Variants in FBXO16 observed in about 807,000 individuals in gnomAD.
FBXO16 encodes F-box protein 16, also known as F-box only protein 16.
A neutral mutation model predicts 41.0 loss-of-function variants in FBXO16; 31 were observed. The observed-to-expected ratio is 0.76, with a 90% CI of 0.57 to 1.02. The LOEUF is 1.02. Among genes scored for constraint, FBXO16 ranks in the 50% least tolerant of loss-of-function variants. The pLI is 0.00. For synonymous variants in FBXO16, 133 were observed against 117.8 expected, an observed-to-expected ratio of 1.13 and a Z score of -0.84; for missense variants, 361 against 346.2, an observed-to-expected ratio of 1.04 and a Z score of -0.34.
intron 6 of FBXO16, 83 bp downstream of exon 6, chr8:28,452,161 C>A: frequency 7.6e-7 from 1 of 1,313,040 alleles, no homozygotes; most frequent in Non-Finnish European, 1.0e-6. Context: ...ACAGTAAGTT[C>A]TATTTCCATC....
intron 4 of FBXO16, among the ~76,000 whole-genome samples, chr8:28,457,504 A>G (rs930540354): frequency 4.6e-5 from 7 of 152,170 alleles, no homozygotes; most frequent in African/African-American, 1.7e-4. Flanking sequence ...TCATGGTGGA[A>G]GGGGAAAGGC....
intron 7 of FBXO16, among the ~76,000 whole-genome samples, chr8:28,432,272 G>C (rs575654500): frequency 6.6e-6 from 1 of 152,024 alleles, no homozygotes; most frequent in South Asian, 2.1e-4. Context: ...TCAGGAGTTC[G>C]AGACCAGCCT....
chr8:28,461,112 C>T (rs1803127922), intron 4 of FBXO16, among the ~76,000 whole-genome samples: 1 of 148,246 alleles, frequency 6.7e-6, no homozygotes. Flanking sequence ...ACCAATGACG[C>T]GTCGTGGAGA....
chr8:28,475,471 A>G lies in FBXO16; in HGVS notation c.100-1664T>C, dbSNP rs541788294. On this transcript the variant is annotated intron_variant, in intron 2 of 8. Transcript: ENST00000380254. ...CAACAGATAAACTCAGAATTTCTAG[A>G]TGAAAAGAAGTAGAGGAGAATCTGT... Among the ~76,000 whole-genome samples, 404 of 152,348 alleles carry G rather than the reference A, an allele frequency of 2.7e-3. 3 individuals are homozygous for G. Among genetic ancestry groups the G allele is most frequent in the African/African-American group, 9.5e-3 (396 of 41,578 alleles).
rs372318084 is a variant in FBXO16, at chr8:28,441,667, T to C, written c.843+5504A>G. ...AGGAGAATCGCTTGAACCTGGGAGG[T>C]GGAGGTTGCAGTGAGCCGAGATCGC... On this transcript the variant is annotated intron_variant, in intron 7 of 8. Transcript: ENST00000380254. 8.5e-5 allele frequency among the ~76,000 whole-genome samples: 12 copies of C among 141,702 alleles called. No individual in the cohort carries two copies. The East Asian group carries it at 1.1e-3, about 13-fold the overall frequency. 93.0% of individuals were successfully genotyped at this position (141,702 alleles called of 152,430 possible).
chr8:28,488,478 A>AT (rs1803638689), intron 1 of FBXO16, among the ~76,000 whole-genome samples: 1 of 144,608 alleles, frequency 6.9e-6, no homozygotes, highest in Admixed American at 6.9e-5. Context: ...TTTTTTTTGT[A>AT]TTTTTTGTAG....
At chr8:28,437,011 C>T (rs1466886473) in intron 7 of FBXO16, among the ~76,000 whole-genome samples, 1 of 152,192 alleles carries the variant, frequency 6.6e-6, no homozygotes, top group Non-Finnish European at 1.5e-5. Context: ...GCCTCAGCCT[C>T]CCAAAGTGCT....
intron 7 of FBXO16, among the ~76,000 whole-genome samples, chr8:28,435,704 C>T (rs549360489): frequency 6.6e-6 from 1 of 151,966 alleles, no homozygotes; most frequent in Non-Finnish European, 1.5e-5. Context: ...TGTAGAAAAC[C>T]GATTAGGAAA....
At chr8:28,473,047 G>T (rs1803363058) in intron 3 of FBXO16, among the ~76,000 whole-genome samples, 1 of 152,118 alleles carries the variant, frequency 6.6e-6, no homozygotes, top group South Asian at 2.1e-4. Flanking sequence ...TTCCCTATGG[G>T]GCTGAAGGTC....
At chr8:28,433,804 A>G (rs1391150504) in intron 7 of FBXO16, among the ~76,000 whole-genome samples, 1 of 152,164 alleles carries the variant, frequency 6.6e-6, no homozygotes, top group Non-Finnish European at 1.5e-5. Context: ...TATTGGGCAC[A>G]GAGAAGTGGG....
chr8:28,436,403 TAGAA>T (rs961793324), intron 7 of FBXO16, among the ~76,000 whole-genome samples: 2 of 152,230 alleles, frequency 1.3e-5, no homozygotes, highest in Non-Finnish European at 2.9e-5. Flanking sequence ...GGCAAGGTGT[TAGAA>T]AGAAATAACC....
intron 5 of FBXO16, among the ~76,000 whole-genome samples, chr8:28,454,936 T>C (rs990565838): frequency 6.7e-6 from 1 of 149,294 alleles, no homozygotes; most frequent in Admixed American, 6.6e-5. Flanking sequence ...TTTGGATATA[T>C]TGAAGTGATC....
chr8:28,477,805 C>T (rs550581248), intron 2 of FBXO16, among the ~76,000 whole-genome samples: 1 of 152,218 alleles, frequency 6.6e-6, no homozygotes, highest in East Asian at 1.9e-4. Flanking sequence ...GAGACAGAGG[C>T]TCACTTGCAC....
intron 1 of FBXO16, among the ~76,000 whole-genome samples, chr8:28,484,542 A>T (rs1803569555): frequency 6.6e-6 from 1 of 152,254 alleles, no homozygotes; most frequent in Non-Finnish European, 1.5e-5. Context: ...AGACCAGGCT[A>T]GGCCAGTTGG....
At chr8:28,434,125 TA>T (rs1470791760) in intron 7 of FBXO16, among the ~76,000 whole-genome samples, 2 of 152,256 alleles carry the variant, frequency 1.3e-5, no homozygotes, top group East Asian at 3.9e-4. Context: ...CACACCCAAC[TA>T]ATTTTTGTAT....
chr8:28,474,316 C>CAAAAAAA lies in FBXO16; in HGVS notation c.100-516_100-510dup. Among the ~76,000 whole-genome samples the CAAAAAAA allele has an allele frequency of 2.6e-3, 150 of 56,654 alleles. 3 individuals carry two copies. The highest frequency in any genetic ancestry group is 9.6e-3 in the Middle Eastern group (1 of 104). The allele number at this position is 56,654 out of a possible 152,430, so 37.2% of individuals were successfully genotyped here. On this transcript the variant is annotated intron_variant, in intron 2 of 8. Coordinates refer to ENST00000380254, the MANE Select transcript of FBXO16 (RefSeq NM_172366.4). ...CCTGGGTAACAGAGCCAGACCCTGT[C>CAAAAAAA]AAAAAAAAAAAAAAAAAAAAAAAAA...
At position 28,463,464 on chromosome 8, in the gene FBXO16, G is replaced by A. The variant is rs1280723580; in HGVS notation, c.342+148C>T. ...TGTGTGTGTTTATGAGTATATGTGT[G>A]TCTAAGTGTACATTTGTGTGTGTTT... On this transcript the variant is annotated intron_variant, in intron 4 of 8. Coordinates refer to ENST00000380254, the MANE Select transcript of FBXO16 (RefSeq NM_172366.4). 3 of 735,756 alleles carry A rather than the reference G, an allele frequency of 4.1e-6. No individual in the cohort carries two copies. The East Asian group carries it at 8.2e-5, about 20-fold the overall frequency. The allele number at this position is 735,756 out of a possible 1,614,324, so 45.6% of individuals were successfully genotyped here. A position where few individuals can be genotyped will look rare whatever the true frequency, so the allele number is the denominator to read the frequency against.
intron 7 of FBXO16, among the ~76,000 whole-genome samples, chr8:28,439,872 TCTTC>T (rs1802741766): frequency 6.6e-6 from 1 of 152,000 alleles, no homozygotes; most frequent in Non-Finnish European, 1.5e-5. Context: ...TTCTATAAAT[TCTTC>T]TGTTTTGGTT....
At chr8:28,445,861 C>G (rs990405810) in intron 7 of FBXO16, among the ~76,000 whole-genome samples, 1 of 151,822 alleles carries the variant, frequency 6.6e-6, no homozygotes, top group Admixed American at 6.6e-5. Flanking sequence ...GTACTTATTC[C>G]TCTCCCAGCT....
Sources: allele counts gnomAD v4.1 joint callset (sites outside exome capture counted in the v4.1 genomes callset), GRCh38; gene constraint gnomAD v4.1.1; transcripts MANE v1.5; gene names NCBI Gene and HGNC (gene_info 2026-07-23, HGNC 2026-07-21).